The following CNOT6 variants were observed in gnomAD, a reference collection of about 807,000 sequenced individuals.
CNOT6 encodes the protein carbon catabolite repression 4 protein.
CNOT6 carries 12 observed loss-of-function variants against 61.2 expected under a neutral mutation model. The ratio of observed to expected loss-of-function variants is 0.20; its 90% CI spans 0.13 to 0.32. CNOT6 has a LOEUF of 0.32. Ranked by LOEUF, CNOT6 falls within the 10% of genes least tolerant of loss-of-function variation. The pLI, the probability that CNOT6 is intolerant of heterozygous loss-of-function variation, is 1.00. For missense variants in CNOT6, 405 were observed against 663.9 expected, an observed-to-expected ratio of 0.61 and a Z score of 4.28; for synonymous variants, 225 against 240.6, an observed-to-expected ratio of 0.94 and a Z score of 0.60.
At chr5:180,555,303 G>A (rs979937614) in intron 4 of CNOT6, among the ~76,000 whole-genome samples, 10 of 152,148 alleles carry the variant, frequency 6.6e-5, no homozygotes, top group Non-Finnish European at 1.3e-4. Flanking sequence ...CACTGCACCA[G>A]GCCATAAATT....
At chr5:180,525,636 C>T (rs971718250) in intron 1 of CNOT6, among the ~76,000 whole-genome samples, 3 of 152,128 alleles carry the variant, frequency 2.0e-5, no homozygotes, top group Admixed American at 1.3e-4. Context: ...CATTTAAAGC[C>T]TGACTCTGCT....
chr5:180,500,218 G>C (rs2127689394), intron 1 of CNOT6, among the ~76,000 whole-genome samples: 1 of 151,692 alleles, frequency 6.6e-6, no homozygotes, highest in East Asian at 1.9e-4. Context: ...TGACCTCCCA[G>C]GTTCACCCGA....
intron 3 of CNOT6, among the ~76,000 whole-genome samples, chr5:180,552,722 C>G (rs890602867): frequency 2.6e-5 from 4 of 152,006 alleles, no homozygotes; most frequent in Non-Finnish European, 5.9e-5. Flanking sequence ...TCTGGTGGTT[C>G]TTTCCCCGCG....
chr5:180,502,873 T>C (rs1756942671), intron 1 of CNOT6, among the ~76,000 whole-genome samples: 1 of 152,242 alleles, frequency 6.6e-6, no homozygotes, highest in Non-Finnish European at 1.5e-5. Context: ...TGTATTGTTG[T>C]TAAGTAAACA....
At chr5:180,520,534 C>T (rs977891714) in intron 1 of CNOT6, among the ~76,000 whole-genome samples, 4 of 151,970 alleles carry the variant, frequency 2.6e-5, no homozygotes, top group Admixed American at 1.3e-4. Flanking sequence ...CCCAGCTACT[C>T]GGGAGGCTGA....
At chr5:180,498,043 CAAA>C (rs113013152) in intron 1 of CNOT6, among the ~76,000 whole-genome samples, 1 of 91,892 alleles carries the variant, frequency 1.1e-5, no homozygotes. Flanking sequence ...AACTCCATCT[CAAA>C]AAAAAAAAAA....
chr5:180,519,848 T>TTC (rs147422772), intron 1 of CNOT6, among the ~76,000 whole-genome samples: 1 of 139,128 alleles, frequency 7.2e-6, no homozygotes, highest in Non-Finnish European at 1.6e-5. Flanking sequence ...TTTTTTTTTT[T>TTC]CCCTGAAAAG....
At chr5:180,563,899 G>A (rs1020974043) in intron 4 of CNOT6, among the ~76,000 whole-genome samples, 1 of 152,102 alleles carries the variant, frequency 6.6e-6, no homozygotes, top group Admixed American at 6.6e-5. Flanking sequence ...GAACAAAGCA[G>A]TTATTGAATT....
At chr5:180,566,814 G>A (rs1006090673) in intron 7 of CNOT6, among the ~76,000 whole-genome samples, 1 of 151,616 alleles carries the variant, frequency 6.6e-6, no homozygotes, top group Non-Finnish European at 1.5e-5. Context: ...CACCATGCCT[G>A]GCTAATTTTT....
intron 2 of CNOT6, among the ~76,000 whole-genome samples, chr5:180,541,179 C>A (rs768652937): frequency 5.9e-4 from 90 of 151,458 alleles, no homozygotes; most frequent in Middle Eastern, 3.4e-3. Context: ...TACTCTCTTG[C>A]CCAGGCTGGA....
intron 1 of CNOT6, among the ~76,000 whole-genome samples, chr5:180,511,161 CT>C (rs916476673): frequency 2.0e-5 from 3 of 150,948 alleles, no homozygotes; most frequent in Non-Finnish European, 4.4e-5. Flanking sequence ...TGGATAATTC[CT>C]TTTCCATTTT....
intron 1 of CNOT6, among the ~76,000 whole-genome samples, chr5:180,525,102 A>G: frequency 6.6e-6 from 1 of 152,236 alleles, no homozygotes; most frequent in East Asian, 1.9e-4. Context: ...GTCTAAAAAC[A>G]GCAGTTATTA....
At chr5:180,501,777 G>T (rs541767346) in intron 1 of CNOT6, among the ~76,000 whole-genome samples, 141 of 152,156 alleles carry the variant, frequency 9.3e-4, no homozygotes, top group Non-Finnish European at 1.4e-3. Flanking sequence ...AAGAGACAAG[G>T]GCAGAACAGG....
intron 10 of CNOT6, among the ~76,000 whole-genome samples, 154 bp from the exon 11 acceptor site, chr5:180,571,076 T>C (rs149973328): frequency 1.3e-5 from 2 of 152,238 alleles, no homozygotes; most frequent in Non-Finnish European, 2.9e-5. Flanking sequence ...ATGACAACTG[T>C]GTAAAAATAG....
intron 1 of CNOT6, 139 bp downstream of exon 1, chr5:180,494,902 G>C (rs1265007996): frequency 3.3e-5 from 5 of 151,974 alleles, no homozygotes; most frequent in Non-Finnish European, 7.4e-5. Context: ...GCAAGCTGGC[G>C]GCTGTTGGGG....
At chr5:180,538,883 G>GA (rs1205586901) in intron 2 of CNOT6, among the ~76,000 whole-genome samples, 2 of 150,238 alleles carry the variant, frequency 1.3e-5, no homozygotes, top group Non-Finnish European at 3.0e-5. Flanking sequence ...TCTCTCAAAA[G>GA]AAAAAAAATT....
At chr5:180,513,681 A>G (rs12153469) in intron 1 of CNOT6, among the ~76,000 whole-genome samples, 618 of 77,082 alleles carry the variant, frequency 8.0e-3, no homozygotes, top group South Asian at 0.023. Flanking sequence ...CCTTTTATTT[A>G]TTTATTTATT....
chr5:180,518,058 GC>G (rs1757727347), intron 1 of CNOT6, among the ~76,000 whole-genome samples: 2 of 151,952 alleles, frequency 1.3e-5, no homozygotes, highest in Non-Finnish European at 2.9e-5. Context: ...TTACATCATT[GC>G]CAGCTCTTTT....
In CNOT6 at chr5:180,576,779, A is replaced by G. The variant is rs1485171207; in HGVS notation, c.*2579A>G. ...TCCGTGTCCTAAATAATTTTCAATA[A>G]TCTATAATCCCTAAAATGCAATAAA... On this transcript the variant is annotated 3_prime_UTR_variant, in exon 12 of 12. Coordinates refer to ENST00000261951, the MANE Select transcript of CNOT6 (RefSeq NM_001370472.1). 1 of 152,146 alleles carries G rather than the reference A, an allele frequency of 6.6e-6. No individual in the cohort carries two copies. Among genetic ancestry groups the G allele is most frequent in the East Asian group, 1.9e-4 (1 of 5,206 alleles). 9.4% of individuals were successfully genotyped at this position (152,146 alleles called of 1,614,324 possible).
Sources: gnomAD v4.1 joint callset for allele counts (sites outside exome capture counted in the v4.1 genomes callset) on GRCh38, gnomAD v4.1.1 for gene constraint, MANE v1.5 for transcripts, NCBI Gene and HGNC (gene_info 2026-07-23, HGNC 2026-07-21) for gene names.